ADAM28: variants seen among roughly 807,000 people sequenced by gnomAD.
ADAM28 encodes the protein ADAM metallopeptidase domain 28.
In ADAM28, 105 loss-of-function variants were observed where a neutral mutation model predicts 101.2. The ratio of observed to expected loss-of-function variants is 1.04; its 90% confidence interval spans 0.89 to 1.22. ADAM28 has a LOEUF of 1.22. ADAM28 is among the 50% of genes most tolerant of loss of function. The pLI is 0.00. For missense variants in ADAM28, 1,028 were observed against 945.4 expected (o/e 1.09, Z -1.15); for synonymous variants, 322 against 310.6 (o/e 1.04, Z -0.39).
In ADAM28 at chr8:24,350,059, A is replaced by T; in HGVS notation, c.2099+87A>T. ...TTCAATGTATAACCTATCCTTTCAA[A>T]TTGAATTGGTTTACTTCTAATATTC... On this transcript the variant is annotated intron_variant, in intron 19 of 22. Transcript: ENST00000265769. The T allele has an allele frequency of 3.4e-6, 4 of 1,164,986 alleles. No individual in the cohort carries two copies. In the South Asian group the frequency reaches 7.0e-5, roughly 21 times the overall value. The allele number at this position is 1,164,986 out of a possible 1,614,324, so 72.2% of individuals were successfully genotyped here.
At chr8:24,324,852 T>C in intron 9 of ADAM28, among the ~76,000 whole-genome samples, 1 of 152,010 alleles carries the variant, frequency 6.6e-6, no homozygotes, top group Non-Finnish European at 1.5e-5. Context: ...ACTAGGTGTC[T>C]AGCTTTTCTC....
At chr8:24,347,854 G>T (rs1209398464) in intron 18 of ADAM28, among the ~76,000 whole-genome samples, 5 of 151,872 alleles carry the variant, frequency 3.3e-5, no homozygotes, top group Non-Finnish European at 7.4e-5. Context: ...GTCTGTATTT[G>T]CCCTGAAATA....
At position 24,329,769 on chromosome 8, in the gene ADAM28, C is replaced by T. The variant is rs113128151; in HGVS notation, c.973-216C>T. 1.3e-3 allele frequency among the ~76,000 whole-genome samples: 205 copies of T among 152,038 alleles called. 3 individuals are homozygous for T. Among genetic ancestry groups the T allele is most frequent in the African/African-American group, 4.7e-3 (196 of 41,458 alleles). Reference sequence around the variant, plus strand: ...AGAACAATTTCCTTCATTATAGGAACCTACTCAAAGAGGAAAGGGCAGACC... The same window carrying T: ...AGAACAATTTCCTTCATTATAGGAATCTACTCAAAGAGGAAAGGGCAGACC... On this transcript the variant is annotated intron_variant, in intron 10 of 22. Transcript: ENST00000265769.
chr8:24,299,387 A>C (rs1808401416), intron 1 of ADAM28, among the ~76,000 whole-genome samples: 2 of 152,204 alleles, frequency 1.3e-5, no homozygotes, highest in South Asian at 4.1e-4. Context: ...GTATGCAAAA[A>C]TAAGGTTTTT....
At chr8:24,296,203 T>C (rs1011483623) in intron 1 of ADAM28, 11 of 152,216 alleles carry the variant, frequency 7.2e-5, no homozygotes, top group African/African-American at 2.7e-4. Context: ...GAAATTATTT[T>C]ATTTCAAACT....
At chr8:24,336,872 T>A (rs1479493336) in intron 14 of ADAM28, among the ~76,000 whole-genome samples, 1 of 152,190 alleles carries the variant, frequency 6.6e-6, no homozygotes, top group Non-Finnish European at 1.5e-5. Context: ...ACTCCCTTCC[T>A]AATAGTTTCA....
chr8:24,334,141 G>T (rs1350694744), intron 13 of ADAM28, among the ~76,000 whole-genome samples: 1 of 152,106 alleles, frequency 6.6e-6, no homozygotes, highest in Non-Finnish European at 1.5e-5. Context: ...AAAGTATCCA[G>T]TTTCTTACTA....
intron 21 of ADAM28, 89 bp from the exon 22 acceptor site, chr8:24,353,681 A>AAAT: frequency 1.1e-6 from 1 of 923,612 alleles, no homozygotes; most frequent in Non-Finnish European, 1.7e-6. Flanking sequence ...AAGAGCTAGG[A>AAAT]AATAATTTCA....
In ADAM28 at chr8:24,356,864, A is replaced by G. The variant is rs1309485255; in HGVS notation, c.*2460A>G. On this transcript the variant is annotated 3_prime_UTR_variant, in exon 23 of 23. Coordinates refer to ENST00000265769, the MANE Select transcript of ADAM28 (RefSeq NM_014265.6). ...TACAACTCACCAAATTACTGGTTTT[A>G]TATGGCCTTTGGGAAGGCTTTTAGC... is the stretch of plus-strand genomic sequence containing the variant. 1 of 152,212 alleles carries G rather than the reference A, an allele frequency of 6.6e-6. No homozygotes were observed. The highest frequency in any genetic ancestry group is 1.9e-4 in the East Asian group (1 of 5,192). 9.4% of individuals were successfully genotyped at this position (152,212 alleles called of 1,614,324 possible).
rs1814971741 is a variant in ADAM28 at position 24,343,005 on chromosome 8, C to T, written c.1831-96C>T. On this transcript the variant is annotated intron_variant, in intron 16 of 22. Transcript: ENST00000265769. ...CTACATCAGCCTCCTGGCAGAGCCACCTTAAACAACATCTGCTAGCCTCTT... is the reference window on the plus strand; with the variant it reads ...CTACATCAGCCTCCTGGCAGAGCCATCTTAAACAACATCTGCTAGCCTCTT... The T allele has an allele frequency of 4.5e-6, 7 of 1,563,820 alleles. No homozygotes were observed. The South Asian group carries it at 7.2e-5, about 16-fold the overall frequency.
intron 18 of ADAM28, 68 bp downstream of exon 18, chr8:24,343,652 A>G: frequency 2.1e-6 from 3 of 1,399,454 alleles, no homozygotes; most frequent in Non-Finnish European, 3.0e-6. Context: ...TTTGTATTAT[A>G]TGAGATTTCA....
At chr8:24,317,872 G>A (rs1811371669) in intron 6 of ADAM28, among the ~76,000 whole-genome samples, 1 of 151,946 alleles carries the variant, frequency 6.6e-6, no homozygotes, top group Non-Finnish European at 1.5e-5. Context: ...AAATATGCGG[G>A]GTTAAGCAGT....
intron 18 of ADAM28, among the ~76,000 whole-genome samples, chr8:24,347,975 G>T (rs1162374528): frequency 1.3e-5 from 2 of 151,770 alleles, no homozygotes; most frequent in African/African-American, 2.4e-5. Flanking sequence ...CACATCTTTG[G>T]TTTTTGTTTG....
Position 24,321,239 on chromosome 8 carries a change from C to G in ADAM28, c.670C>G (p.Gln224Glu). 1 of 1,605,534 alleles carries G rather than the reference C, an allele frequency of 6.2e-7. No individual in the cohort carries two copies. The highest frequency in any genetic ancestry group is 1.7e-5 in the Admixed American group (1 of 59,810). Reference protein sequence around the residue: ...NGEFKRYNENQDEIRKRVFEM... With the variant: ...NGEFKRYNENEDEIRKRVFEM... The stretch of plus-strand genomic sequence containing the variant: ...TTAGTTTAAAAGGTACAATGAGAAT[C>G]AAGATGAGATCAGAAAGAGGGTATT... The change falls in exon 8 of 23, where the codon CAA becomes GAA. Residue 224 changes from glutamine to glutamate, a missense_variant. Gln to Glu is a conservative substitution (Grantham distance 29). Transcript: ENST00000265769.
intron 1 of ADAM28, chr8:24,295,960 C>T (rs1037250498): frequency 6.6e-6 from 1 of 152,090 alleles, no homozygotes; most frequent in African/African-American, 2.4e-5. Flanking sequence ...TGCCCAGTCC[C>T]CAGATGGTTG....
intron 16 of ADAM28, among the ~76,000 whole-genome samples, chr8:24,342,347 A>G (rs1020546216): frequency 3.9e-5 from 6 of 152,152 alleles, no homozygotes; most frequent in Admixed American, 2.0e-4. Flanking sequence ...ATATTATCCT[A>G]TTTACTTAAA....
chr8:24,351,911 GCTTA>G, intron 20 of ADAM28, 72 bp from the exon 21 acceptor site: 1 of 1,478,626 alleles, frequency 6.8e-7, no homozygotes, highest in South Asian at 1.1e-5. Flanking sequence ...CTTGAAAAGT[GCTTA>G]CTTAAAAATT....
At position 24,356,934 on chromosome 8, in the gene ADAM28, A is replaced by C. The variant is rs537347443; in HGVS notation, c.*2530A>C. On this transcript the variant is annotated 3_prime_UTR_variant, in exon 23 of 23. Coordinates refer to ENST00000265769, the MANE Select transcript of ADAM28 (RefSeq NM_014265.6). ...TATGCATGAAAAGAAAGCAAATTTTAGTTGGTTGCAGTCAGAGAATATGGA... is the reference window on the plus strand; with the variant it reads ...TATGCATGAAAAGAAAGCAAATTTTCGTTGGTTGCAGTCAGAGAATATGGA... 34 of 152,286 alleles carry C rather than the reference A, an allele frequency of 2.2e-4. No individual in the cohort carries two copies. Among genetic ancestry groups the C allele is most frequent in the African/African-American group, 7.7e-4 (32 of 41,570 alleles). The allele number at this position is 152,286 out of a possible 1,614,324, so 9.4% of individuals were successfully genotyped here. A position where few individuals can be genotyped will look rare whatever the true frequency, so the allele number is the denominator to read the frequency against.
chr8:24,302,866 C>T (rs1004461271), intron 2 of ADAM28, among the ~76,000 whole-genome samples: 67 of 151,372 alleles, frequency 4.4e-4, no homozygotes, highest in Admixed American at 1.6e-3. Flanking sequence ...GTGTGCTACA[C>T]CCATTAACTC....
Sources: gnomAD v4.1 joint callset for allele counts (sites outside exome capture counted in the v4.1 genomes callset) on GRCh38, gnomAD v4.1.1 for gene constraint, MANE v1.5 for transcripts, NCBI Gene and HGNC (gene_info 2026-07-23, HGNC 2026-07-21) for gene names.